Variants in OTUD7A observed in about 807,000 individuals in gnomAD.
The protein encoded by OTUD7A is OTU deubiquitinase 7A.
Under a neutral mutation model 65.7 loss-of-function variants are expected in OTUD7A, and 12 were observed. That is an observed-to-expected ratio of 0.18 (90% confidence interval 0.12 to 0.30). The LOEUF (loss-of-function observed/expected upper bound fraction) is 0.30, where lower values mean the gene tolerates loss of function less well. Ranked by LOEUF, OTUD7A falls within the 10% of genes least tolerant of loss-of-function variation. The pLI is 1.00. For missense variants in OTUD7A, 1,148 were observed against 1,304.8 expected (o/e 0.88, Z 1.85); for synonymous variants, 641 against 586.3 (o/e 1.09, Z -1.35).
intron 8 of OTUD7A, among the ~76,000 whole-genome samples, chr15:31,506,349 G>A (rs1039537967): frequency 6.6e-6 from 1 of 151,992 alleles, no homozygotes; most frequent in Non-Finnish European, 1.5e-5. Flanking sequence ...AACAGATACA[G>A]TTTAGTTTAC....
chr15:31,852,801 A>G (rs527321624), intron 1 of OTUD7A, among the ~76,000 whole-genome samples: 79 of 152,376 alleles, frequency 5.2e-4, no homozygotes, highest in Middle Eastern at 6.8e-3. Flanking sequence ...CTTAGAAATT[A>G]CAGCGCTAAT....
chr15:31,817,844 G>A (rs1436833322), intron 1 of OTUD7A, among the ~76,000 whole-genome samples: 2 of 152,182 alleles, frequency 1.3e-5, no homozygotes, highest in East Asian at 3.9e-4. Flanking sequence ...GCAGCTTAAT[G>A]GTATGTGTCC....
intron 1 of OTUD7A, among the ~76,000 whole-genome samples, chr15:31,858,863 CCAGGT>C (rs1323661699): frequency 6.6e-6 from 1 of 152,206 alleles, no homozygotes; most frequent in East Asian, 1.9e-4. Flanking sequence ...CCAACTATCA[CCAGGT>C]GAGGGGCAGT....
At chr15:31,499,917 C>T (rs987503200) in intron 10 of OTUD7A, among the ~76,000 whole-genome samples, 2 of 152,252 alleles carry the variant, frequency 1.3e-5, no homozygotes, top group Non-Finnish European at 2.9e-5. Flanking sequence ...CCACAGCGCC[C>T]TCCATGGGCA....
At chr15:31,630,810 CTTG>C (rs1187137974) in intron 3 of OTUD7A, among the ~76,000 whole-genome samples, 2 of 152,260 alleles carry the variant, frequency 1.3e-5, no homozygotes, top group Admixed American at 1.3e-4. Context: ...GTTAGCTCTT[CTTG>C]TTGAATTGAT....
intron 1 of OTUD7A, among the ~76,000 whole-genome samples, chr15:31,837,648 A>G (rs1009767934): frequency 6.6e-6 from 1 of 152,248 alleles, no homozygotes; most frequent in Non-Finnish European, 1.5e-5. Context: ...TGAAAGATAT[A>G]GAAGAATAAA....
At chr15:31,803,240 C>T (rs1313380231) in intron 1 of OTUD7A, among the ~76,000 whole-genome samples, 2 of 152,184 alleles carry the variant, frequency 1.3e-5, no homozygotes, top group Non-Finnish European at 2.9e-5. Context: ...TTCCAGGACA[C>T]ATTGCCTGCT....
chr15:31,528,323 C>G (rs2042042198), intron 6 of OTUD7A, among the ~76,000 whole-genome samples: 1 of 152,162 alleles, frequency 6.6e-6, no homozygotes, highest in Non-Finnish European at 1.5e-5. Flanking sequence ...AGGGAAAGGC[C>G]AGGGACAGAC....
chr15:31,538,254 G>A (rs765576731), intron 5 of OTUD7A, among the ~76,000 whole-genome samples: 16 of 152,162 alleles, frequency 1.1e-4, no homozygotes, highest in African/African-American at 2.2e-4. Flanking sequence ...GCACTGACCC[G>A]CTGGGGAGAG....
At chr15:31,862,325 G>A (rs145504131) in intron 1 of OTUD7A, among the ~76,000 whole-genome samples, 30 of 152,296 alleles carry the variant, frequency 2.0e-4, no homozygotes, top group African/African-American at 7.2e-4. Context: ...AGACATAACC[G>A]GCTTCCTGGG....
chr15:31,866,753 C>T (rs1897886312), intron 1 of OTUD7A, among the ~76,000 whole-genome samples: 1 of 152,192 alleles, frequency 6.6e-6, no homozygotes, highest in African/African-American at 2.4e-5. Context: ...ACCTATTTTA[C>T]ATGTAGTGGC....
intron 3 of OTUD7A, among the ~76,000 whole-genome samples, chr15:31,611,081 G>A (rs920231633): frequency 3.9e-5 from 6 of 152,008 alleles, no homozygotes; most frequent in African/African-American, 1.4e-4. Context: ...AATCAAGATG[G>A]AAATTAAAAA....
At position 31,498,592 on chromosome 15, in the gene OTUD7A, C is replaced by T. The variant is rs1468312807; in HGVS notation, c.1171+3098G>A. On this transcript the variant is annotated intron_variant, in intron 10 of 12. Transcript: ENST00000307050. The surrounding 1 kb of genome is among the most constrained non-coding windows in gnomAD (Gnocchi z 4.2). ...TGCTCAGTGGCCAGTAGGAACTGAC[C>T]TGAGCTGGGTGCTGAGAGAATGCCC... is the stretch of plus-strand genomic sequence containing the variant. 6.6e-6 allele frequency among the ~76,000 whole-genome samples: 1 copy of T among 152,092 alleles called. No homozygotes were observed. The highest frequency in any genetic ancestry group is 1.5e-5 in the Non-Finnish European group (1 of 68,026).
intron 1 of OTUD7A, among the ~76,000 whole-genome samples, chr15:31,714,097 C>A (rs965794014): frequency 2.8e-5 from 4 of 144,384 alleles, no homozygotes; most frequent in African/African-American, 7.4e-5. Context: ...TCCTACACAT[C>A]CCCTGTAAGC....
intron 3 of OTUD7A, among the ~76,000 whole-genome samples, chr15:31,625,227 C>A (rs1420755196): frequency 6.6e-6 from 1 of 152,162 alleles, no homozygotes; most frequent in African/African-American, 2.4e-5. Context: ...GCAGCCCCAG[C>A]TAGACTGTAG....
At chr15:31,697,832 T>C (rs189362652) in intron 1 of OTUD7A, among the ~76,000 whole-genome samples, 4 of 152,358 alleles carry the variant, frequency 2.6e-5, no homozygotes, top group East Asian at 1.9e-4. Context: ...TGTGTTAGCA[T>C]TGTGCCACTT....
intron 5 of OTUD7A, among the ~76,000 whole-genome samples, chr15:31,553,137 A>G (rs911242557): frequency 1.3e-5 from 2 of 152,032 alleles, no homozygotes; most frequent in Non-Finnish European, 2.9e-5. Flanking sequence ...ACTTACTGGC[A>G]TATTTGGCAC....
chr15:31,521,660 T>A (rs2041939173), intron 8 of OTUD7A, among the ~76,000 whole-genome samples: 1 of 152,186 alleles, frequency 6.6e-6, no homozygotes, highest in African/African-American at 2.4e-5. Context: ...GACTGTGTGC[T>A]AGGAAATCAC....
At chr15:31,597,954 C>G (rs555919981) in intron 3 of OTUD7A, among the ~76,000 whole-genome samples, 1 of 152,066 alleles carries the variant, frequency 6.6e-6, no homozygotes, top group Non-Finnish European at 1.5e-5. Context: ...TGGGAACTTT[C>G]GAGTTTTCAG....
Sources: gnomAD v4.1 joint callset for allele counts (sites outside exome capture counted in the v4.1 genomes callset) on GRCh38, gnomAD v4.1.1 for gene constraint, Gnocchi (gnomAD v3.1) non-coding constraint, MANE v1.5 for transcripts, NCBI Gene and HGNC (gene_info 2026-07-23, HGNC 2026-07-21) for gene names.